The following STRIP2 variants were observed in gnomAD, a reference collection of about 807,000 sequenced individuals.
STRIP2 encodes striatin-interacting protein 2.
Under a neutral mutation model 107.1 loss-of-function variants are expected in STRIP2, and 84 were observed. The observed-to-expected ratio is 0.78, with a 90% CI of 0.66 to 0.94. STRIP2 has a LOEUF of 0.94. STRIP2 is among the 40% of genes least tolerant of loss of function. STRIP2 has a pLI of 0.00. For missense variants in STRIP2, 888 were observed against 1,034.2 expected (o/e 0.86, Z 1.94); for synonymous variants, 394 against 400.4 (o/e 0.98, Z 0.19).
intron 1 of STRIP2, among the ~76,000 whole-genome samples, chr7:129,439,648 G>A (rs544769975): frequency 6.1e-4 from 93 of 152,284 alleles, no homozygotes; most frequent in South Asian, 5.2e-3. Flanking sequence ...CAGAACTGAA[G>A]CTAGAATCCA....
In STRIP2 at chr7:129,458,635, G is replaced by T; in HGVS notation, c.1275-77G>T. 1 of 1,511,078 alleles carries T rather than the reference G, an allele frequency of 6.6e-7. No homozygotes were observed. Among genetic ancestry groups the T allele is most frequent in the Non-Finnish European group, 9.2e-7 (1 of 1,089,788 alleles). The allele number at this position is 1,511,078 out of a possible 1,614,324, so 93.6% of individuals were successfully genotyped here. On this transcript the variant is annotated intron_variant, in intron 10 of 20. Coordinates refer to ENST00000249344, the MANE Select transcript of STRIP2 (RefSeq NM_020704.3). The surrounding 1 kb of genome is among the most constrained non-coding windows in gnomAD (Gnocchi z 4.6). ...TCCAGTCCTCTGATTGGAGGGATAG[G>T]AGCCCGGAAAGTTTTTCTCTCTCAA...
intron 12 of STRIP2, 30 bp downstream of exon 12, chr7:129,459,610 G>A (rs1798471672): frequency 1.3e-6 from 2 of 1,590,734 alleles, no homozygotes; most frequent in Non-Finnish European, 1.7e-6. Flanking sequence ...AGTCTTCAGG[G>A]ATAGGGAGCC....
intron 17 of STRIP2, among the ~76,000 whole-genome samples, chr7:129,468,286 G>T (rs1378070226): frequency 1.3e-5 from 2 of 152,166 alleles, no homozygotes. Flanking sequence ...ACACTAGTTT[G>T]TCAGTACTGC....
At chr7:129,475,544 T>TA (rs1798895733) in intron 18 of STRIP2, among the ~76,000 whole-genome samples, 1 of 65,680 alleles carries the variant, frequency 1.5e-5, no homozygotes, top group South Asian at 5.9e-4. Context: ...GTGATGACTC[T>TA]TTTTTTTTCT....
At chr7:129,477,623 G>C (rs1401967109) in intron 18 of STRIP2, among the ~76,000 whole-genome samples, 1 of 151,994 alleles carries the variant, frequency 6.6e-6, no homozygotes, top group Non-Finnish European at 1.5e-5. Flanking sequence ...TTTCACTTGA[G>C]AACCATTACT....
intron 1 of STRIP2, among the ~76,000 whole-genome samples, chr7:129,437,356 TAAGTC>T (rs1797768537): frequency 6.6e-6 from 1 of 151,902 alleles, no homozygotes; most frequent in African/African-American, 2.4e-5. Flanking sequence ...CTGAATCACT[TAAGTC>T]TAGGAGGTTG....
At chr7:129,459,671 T>C (rs1798473376) in intron 12 of STRIP2, 91 bp downstream of exon 12, 1 of 1,065,038 alleles carries the variant, frequency 9.4e-7, no homozygotes, top group Non-Finnish European at 1.4e-6. Flanking sequence ...GGGGCTTTTA[T>C]ACCAGACTCT....
Position 129,458,251 on chromosome 7 carries a change from A to C in STRIP2, c.1075A>C (p.Asn359His). Reference protein sequence around the residue: ...LTKQDSLDIYNERDLFKTEEP... With the variant: ...LTKQDSLDIYHERDLFKTEEP... ...TAAGCAGGACAGCCTGGACATCTAC[A>C]ATGAAAGGGATCTCTTCAAGACTGA... Residue 359 changes from asparagine (N) to histidine (H), a missense_variant, in exon 10 of 21, where the codon AAT becomes CAT. Asn to His is a moderately conservative substitution (Grantham distance 68, BLOSUM62 1). Transcript: ENST00000249344. The surrounding 1 kb of genome is among the most constrained non-coding windows in gnomAD (Gnocchi z 4.6). 1 of 1,614,130 alleles carries C rather than the reference A, an allele frequency of 6.2e-7. No individual in the cohort carries two copies. The highest frequency in any genetic ancestry group is 8.5e-7 in the Non-Finnish European group (1 of 1,180,026).
Position 129,483,895 on chromosome 7 carries a change from C to A in STRIP2, c.2254+849C>A, listed in dbSNP as rs1362173461. On this transcript the variant is annotated intron_variant, in intron 20 of 20. Coordinates refer to ENST00000249344, the MANE Select transcript of STRIP2 (RefSeq NM_020704.3). The surrounding 1 kb of genome is among the most constrained non-coding windows in gnomAD (Gnocchi z 5.1). ...CTGGGACTACAGATGCATACCACCACTACACCCGGCTAATTTTTCAAATTT... is the reference window on the plus strand; with the variant it reads ...CTGGGACTACAGATGCATACCACCAATACACCCGGCTAATTTTTCAAATTT... Among the ~76,000 whole-genome samples the A allele has an allele frequency of 6.6e-6, 1 of 152,102 alleles. No homozygotes were observed. The highest frequency in any genetic ancestry group is 1.9e-4 in the East Asian group (1 of 5,184).
intron 8 of STRIP2, 42 bp downstream of exon 8, chr7:129,455,413 G>T: frequency 6.3e-7 from 1 of 1,588,042 alleles, no homozygotes; most frequent in Non-Finnish European, 8.6e-7. Context: ...GATCAGCAAT[G>T]CCCTATGCCA....
chr7:129,466,800 T>C (rs1003278861), intron 16 of STRIP2, among the ~76,000 whole-genome samples: 1 of 152,126 alleles, frequency 6.6e-6, no homozygotes, highest in Non-Finnish European at 1.5e-5. Flanking sequence ...TCTTTCCCCC[T>C]TTCCCCCATA....
At chr7:129,439,966 T>C in intron 1 of STRIP2, 56 bp from the exon 2 acceptor site, 2 of 1,428,844 alleles carry the variant, frequency 1.4e-6, no homozygotes, top group South Asian at 1.2e-5. Context: ...CAGTCTTCCC[T>C]TGGCAACCCC....
At chr7:129,447,666 C>T (rs995232038) in intron 3 of STRIP2, among the ~76,000 whole-genome samples, 3 of 152,226 alleles carry the variant, frequency 2.0e-5, no homozygotes, top group Non-Finnish European at 4.4e-5. Context: ...CAGCCAGCTG[C>T]AGGCAAATTG....
intron 19 of STRIP2, among the ~76,000 whole-genome samples, chr7:129,481,166 ATG>A (rs1007003652): frequency 3.4e-4 from 52 of 152,300 alleles, no homozygotes; most frequent in Non-Finnish European, 4.9e-4. Context: ...TTCCCAAATG[ATG>A]CAAGTGCAAG....
At chr7:129,481,716 A>G (rs1799120105) in intron 19 of STRIP2, among the ~76,000 whole-genome samples, 1 of 152,156 alleles carries the variant, frequency 6.6e-6, no homozygotes, top group East Asian at 1.9e-4. Context: ...GTTTGAGACC[A>G]GCCTGGGCAA....
chr7:129,463,164 G>C (rs1486104202), intron 14 of STRIP2, 124 bp downstream of exon 14: 1 of 731,336 alleles, frequency 1.4e-6, no homozygotes, highest in African/African-American at 1.8e-5. Flanking sequence ...CTTTGGCAAG[G>C]CATTCTCTGA....
intron 18 of STRIP2, among the ~76,000 whole-genome samples, chr7:129,474,306 A>T (rs562279200): frequency 6.6e-6 from 1 of 152,006 alleles, no homozygotes; most frequent in African/African-American, 2.4e-5. Flanking sequence ...ATGCTTGGCT[A>T]ATTTTTAAAT....
At position 129,453,369 on chromosome 7, in the gene STRIP2, G is replaced by T. The variant is rs1798251198; in HGVS notation, c.530+22G>T. On this transcript the variant is annotated intron_variant, in intron 5 of 20. Transcript: ENST00000249344. ...TTGAGTGAGAAGCCTTAGGGGAAGG[G>T]CTGGCCTACATAACCCCCATTCCTT... is the stretch of plus-strand genomic sequence containing the variant. The T allele has an allele frequency of 4.3e-6, 7 of 1,613,596 alleles. No individual in the cohort carries two copies. Among genetic ancestry groups the T allele is most frequent in the Non-Finnish European group, 5.9e-6 (7 of 1,179,842 alleles).
chr7:129,444,661 A>T (rs1797987115), intron 3 of STRIP2, among the ~76,000 whole-genome samples: 1 of 152,156 alleles, frequency 6.6e-6, no homozygotes, highest in Non-Finnish European at 1.5e-5. Flanking sequence ...ACCCCTTGTC[A>T]GCTCGAACTC....
Sources: allele counts gnomAD v4.1 joint callset (sites outside exome capture counted in the v4.1 genomes callset), GRCh38; gene constraint gnomAD v4.1.1; non-coding constraint Gnocchi (gnomAD v3.1); transcripts MANE v1.5; gene names NCBI Gene and HGNC (gene_info 2026-07-23, HGNC 2026-07-21).